The following SYNPR variants were observed in gnomAD, a reference collection of about 807,000 sequenced individuals.
SYNPR encodes the protein synaptoporin.
SYNPR carries 23 observed loss-of-function variants against 32.9 expected under a neutral mutation model. That is an observed-to-expected ratio of 0.70 (90% CI 0.50 to 0.99). The LOEUF (loss-of-function observed/expected upper bound fraction) is 0.99, where lower values mean the gene tolerates loss of function less well. Ranked by LOEUF, SYNPR falls within the 50% of genes least tolerant of loss-of-function variation. The pLI is 0.00. For synonymous variants in SYNPR, 146 were observed against 135.9 expected (o/e 1.07, Z -0.52); for missense variants, 318 against 349.3 (o/e 0.91, Z 0.71).
At chr3:63,554,274 A>G (rs1353514423) in intron 3 of SYNPR, among the ~76,000 whole-genome samples, 2 of 152,226 alleles carry the variant, frequency 1.3e-5, no homozygotes, top group African/African-American at 4.8e-5. Flanking sequence ...TTGGGGACTT[A>G]GCCAAAAATT....
At chr3:63,547,288 T>C (rs78348479) in intron 3 of SYNPR, among the ~76,000 whole-genome samples, 3,323 of 152,222 alleles carry the variant, frequency 0.022, 138 homozygotes, top group African/African-American at 0.075. Context: ...TCAAACTTTT[T>C]CTTAACTTAA....
intron 2 of SYNPR, among the ~76,000 whole-genome samples, chr3:63,335,598 T>C (rs1429191743): frequency 6.6e-6 from 1 of 152,016 alleles, no homozygotes; most frequent in Non-Finnish European, 1.5e-5. Context: ...CTTCCTCTGA[T>C]CTTGGTAGCC....
In SYNPR at chr3:63,326,709, C is replaced by T. The variant is rs564530700; in HGVS notation, c.84+47967C>T. ...TGTCTTCTGCATTATTTATCAGTTT[C>T]TCTCTCTGTTAAATAGCAGCACCAA... On this transcript the variant is annotated intron_variant, in intron 2 of 5. Transcript: ENST00000478300. Among the ~76,000 whole-genome samples the T allele has an allele frequency of 3.3e-5, 5 of 152,190 alleles. No individual in the cohort carries two copies. The South Asian group carries it at 1.0e-3, about 32-fold the overall frequency.
chr3:63,422,111 A>G (rs1699810890), intron 2 of SYNPR, among the ~76,000 whole-genome samples: 1 of 152,190 alleles, frequency 6.6e-6, no homozygotes, highest in South Asian at 2.1e-4. Flanking sequence ...TTCCACTCAC[A>G]TTCAGGTTAG....
At chr3:63,288,853 A>G (rs9815856) in intron 2 of SYNPR, among the ~76,000 whole-genome samples, 69,140 of 151,984 alleles carry the variant, frequency 0.45, 15,896 homozygotes, top group Middle Eastern at 0.52. Context: ...GAGGGGAAAA[A>G]GAGGAATTTG....
intron 2 of SYNPR, among the ~76,000 whole-genome samples, chr3:63,380,150 A>G (rs2087947252): frequency 6.6e-6 from 1 of 152,118 alleles, no homozygotes; most frequent in South Asian, 2.1e-4. Context: ...ATAAACATAC[A>G]TCCGCATGTG....
chr3:63,564,670 T>A (rs900956599), intron 4 of SYNPR, among the ~76,000 whole-genome samples: 2 of 152,234 alleles, frequency 1.3e-5, no homozygotes, highest in African/African-American at 4.8e-5. Flanking sequence ...AATACATTAA[T>A]CCATTCAAAA....
At position 63,344,550 on chromosome 3, in the gene SYNPR, ATTT is replaced by A. The variant is rs10627844; in HGVS notation, c.84+65827_84+65829del. On this transcript the variant is annotated intron_variant, in intron 2 of 5. Transcript: ENST00000478300. Reference sequence around the variant, plus strand: ...AGAAACAGGTGCATATTCAAAAAAGATTTTTTTTTTTTTTTTTTTTTACAGATT... The same window carrying A: ...AGAAACAGGTGCATATTCAAAAAAGATTTTTTTTTTTTTTTTTTACAGATT... Among the ~76,000 whole-genome samples the A allele has an allele frequency of 2.1e-3, 268 of 130,538 alleles. 1 individual carries two copies. Among genetic ancestry groups the A allele is most frequent in the African/African-American group, 7.1e-3 (245 of 34,672 alleles). The allele number at this position is 130,538 out of a possible 152,430, so 85.6% of individuals were successfully genotyped here.
At chr3:63,407,025 C>T (rs1324002089) in intron 2 of SYNPR, among the ~76,000 whole-genome samples, 1 of 152,150 alleles carries the variant, frequency 6.6e-6, no homozygotes, top group Non-Finnish European at 1.5e-5. Flanking sequence ...TTGTCCTAGT[C>T]CCAGGACCTT....
chr3:63,379,761 A>C (rs1321166300), intron 2 of SYNPR, among the ~76,000 whole-genome samples: 1 of 152,054 alleles, frequency 6.6e-6, no homozygotes, highest in African/African-American at 2.4e-5. Flanking sequence ...ATATGTATAC[A>C]TGTGCCATGT....
At chr3:63,460,167 G>T (rs566238151) in intron 2 of SYNPR, among the ~76,000 whole-genome samples, 13 of 152,160 alleles carry the variant, frequency 8.5e-5, no homozygotes, top group Non-Finnish European at 1.5e-4. Context: ...ATTGCTGTTA[G>T]ATTAAAGGTC....
At chr3:63,223,202 C>T in the SYNPR span, among the ~76,000 whole-genome samples, 2 of 151,932 alleles carry the variant, frequency 1.3e-5, no homozygotes, top group Admixed American at 1.3e-4. Flanking sequence ...GTTTAAATAC[C>T]CAGTGATTAC....
intron 2 of SYNPR, among the ~76,000 whole-genome samples, chr3:63,477,881 C>G (rs1275624256): frequency 6.6e-6 from 1 of 152,192 alleles, no homozygotes; most frequent in Non-Finnish European, 1.5e-5. Flanking sequence ...GGCTTTGAGC[C>G]AAGTATGAGC....
intron 2 of SYNPR, among the ~76,000 whole-genome samples, chr3:63,372,957 C>T (rs939904609): frequency 6.6e-6 from 1 of 152,214 alleles, no homozygotes; most frequent in African/African-American, 2.4e-5. Context: ...ACAGCCCAAA[C>T]TTCAACACCA....
chr3:63,365,178 T>C (rs994875859), intron 2 of SYNPR, among the ~76,000 whole-genome samples: 1 of 152,156 alleles, frequency 6.6e-6, no homozygotes, highest in Non-Finnish European at 1.5e-5. Context: ...GTGCAGGATA[T>C]TGGCAAAGGG....
At chr3:63,298,257 G>A (rs945020464) in intron 2 of SYNPR, among the ~76,000 whole-genome samples, 1 of 152,166 alleles carries the variant, frequency 6.6e-6, no homozygotes, top group African/African-American at 2.4e-5. Context: ...AGTTAGGTTA[G>A]ATTTATCTCA....
chr3:63,519,585 T>C (rs1463882773), intron 3 of SYNPR, among the ~76,000 whole-genome samples: 1 of 152,192 alleles, frequency 6.6e-6, no homozygotes, highest in Non-Finnish European at 1.5e-5. Flanking sequence ...GCCTCTTCTC[T>C]GACATCCTCA....
At chr3:63,331,708 A>G (rs1400714387) in intron 2 of SYNPR, among the ~76,000 whole-genome samples, 1 of 152,208 alleles carries the variant, frequency 6.6e-6, no homozygotes, top group Admixed American at 6.5e-5. Context: ...CCCAGTAGTA[A>G]GAACCTGCTG....
intron 3 of SYNPR, among the ~76,000 whole-genome samples, chr3:63,537,090 G>A (rs1702222772): frequency 1.3e-5 from 2 of 151,998 alleles, no homozygotes; most frequent in African/African-American, 2.4e-5. Flanking sequence ...ATAGCTTACT[G>A]AAACGTGCAC....
Sources: gnomAD v4.1 joint callset for allele counts (sites outside exome capture counted in the v4.1 genomes callset) on GRCh38, gnomAD v4.1.1 for gene constraint, MANE v1.5 for transcripts, NCBI Gene and HGNC (gene_info 2026-07-23, HGNC 2026-07-21) for gene names.